RNF130: variants seen among roughly 807,000 people sequenced by gnomAD.
RNF130 encodes E3 ubiquitin-protein ligase RNF130.
Under a neutral mutation model 44.6 loss-of-function variants are expected in RNF130, and 21 were observed. That is an observed-to-expected ratio of 0.47 (90% CI 0.33 to 0.68). RNF130 has a LOEUF of 0.68. Among genes scored for constraint, RNF130 ranks in the 30% least tolerant of loss-of-function variants. The pLI, the probability that RNF130 is intolerant of heterozygous loss-of-function variation, is 0.02. For missense variants in RNF130, 479 were observed against 560.6 expected (o/e 0.85, Z 1.47); for synonymous variants, 214 against 210.4 (o/e 1.02, Z -0.15).
In RNF130 at chr5:179,963,560, T is replaced by G; in HGVS notation, c.1155A>C (p.Glu385Asp). The stretch of plus-strand genomic sequence containing the variant: ...GGCCAAAACTGGCAATAATAAACCA[T>G]TCTTCTGTTGACAAAGGAAAGGGAG... The part of the protein sequence containing the change: ...TGEINIAVTK[E>D]WFIIASFGLL... The change falls in exon 8 of 9, where the codon GAA (glutamate) becomes GAC (aspartate). Residue 385 changes from glutamate (E) to aspartate (D), a missense_variant. Physicochemically the swap from Glu to Asp is conservative, Grantham distance 45. Coordinates refer to ENST00000521389, the MANE Select transcript of RNF130 (RefSeq NM_018434.6). The G allele has an allele frequency of 6.2e-7, 1 of 1,610,866 alleles. No homozygotes were observed. The highest frequency in any genetic ancestry group is 8.5e-7 in the Non-Finnish European group (1 of 1,177,222).
chr5:179,928,501 CTCTTTGTT>C, intron 7 of RNF130, among the ~76,000 whole-genome samples: 1 of 152,224 alleles, frequency 6.6e-6, no homozygotes, highest in Non-Finnish European at 1.5e-5. Flanking sequence ...TCTGAAATGT[CTCTTTGTT>C]TCTTTTGCTC....
intron 3 of RNF130, among the ~76,000 whole-genome samples, chr5:180,001,394 T>C (rs544000240): frequency 4.6e-5 from 7 of 152,110 alleles, no homozygotes; most frequent in Non-Finnish European, 1.0e-4. Context: ...CTCACAAATG[T>C]ATTTGTGGCA....
intron 7 of RNF130, among the ~76,000 whole-genome samples, chr5:179,946,142 C>A (rs1014917141): frequency 6.6e-6 from 1 of 152,242 alleles, no homozygotes; most frequent in African/African-American, 2.4e-5. Flanking sequence ...TAGGGTGCAA[C>A]CCCCTACAGT....
intron 2 of RNF130, among the ~76,000 whole-genome samples, chr5:180,033,706 AAAG>A (rs1193444528): frequency 1.3e-5 from 2 of 152,180 alleles, no homozygotes; most frequent in African/African-American, 2.4e-5. Flanking sequence ...TAAAAAAAAA[AAAG>A]AGAGAGAGAG....
intron 7 of RNF130, among the ~76,000 whole-genome samples, chr5:179,930,552 G>T (rs1375570331): frequency 6.6e-6 from 1 of 151,976 alleles, no homozygotes; most frequent in Admixed American, 6.6e-5. Context: ...TTGCCATATG[G>T]TAATGGCTAA....
chr5:180,010,771 A>G (rs1216526262), intron 3 of RNF130, among the ~76,000 whole-genome samples: 1 of 152,188 alleles, frequency 6.6e-6, no homozygotes, highest in African/African-American at 2.4e-5. Flanking sequence ...GTTATAAAAG[A>G]GTAGCACAAG....
chr5:180,000,992 A>C (rs2113058399), intron 3 of RNF130, among the ~76,000 whole-genome samples: 1 of 152,242 alleles, frequency 6.6e-6, no homozygotes, highest in African/African-American at 2.4e-5. Context: ...TGGAACAATC[A>C]CTTCTTTCAA....
intron 6 of RNF130, among the ~76,000 whole-genome samples, chr5:179,967,870 A>ATGCTTAGGC (rs1762485619): frequency 6.6e-6 from 1 of 152,258 alleles, no homozygotes; most frequent in Admixed American, 6.5e-5. Flanking sequence ...GTACTAAGTG[A>ATGCTTAGGC]TGCTTAGGCT....
Position 180,071,520 on chromosome 5 carries a change from G to A in RNF130, c.183C>T (p.Tyr61=), listed in dbSNP as rs1765265013. The A allele has an allele frequency of 7.3e-7, 1 of 1,360,756 alleles. No homozygotes were observed. The highest frequency in any genetic ancestry group is 2.9e-5 in the East Asian group (1 of 34,690). 84.3% of individuals were successfully genotyped at this position (1,360,756 alleles called of 1,614,324 possible). A position where few individuals can be genotyped will look rare whatever the true frequency, so the allele number is the denominator to read the frequency against. ...CCTCGGCCTTGGGGGAGTCAAGCCC[G>A]TAGCGCCCGCGGTCGATGCGAAACG... ...PLTFRIDRGR[Y]GLDSPKAEVR... Residue 61 remains tyrosine, a synonymous_variant, in exon 1 of 9, where the codon TAC becomes TAT. Coordinates refer to ENST00000521389, the MANE Select transcript of RNF130 (RefSeq NM_018434.6).
intron 3 of RNF130, 110 bp from the exon 4 acceptor site, chr5:179,980,310 C>A: frequency 1.1e-6 from 1 of 890,422 alleles, no homozygotes; most frequent in Non-Finnish European, 1.8e-6. Flanking sequence ...CATCCCTCTC[C>A]ATGTCCTACA....
chr5:180,009,362 C>G (rs1024720776), intron 3 of RNF130, among the ~76,000 whole-genome samples: 1 of 152,142 alleles, frequency 6.6e-6, no homozygotes, highest in Admixed American at 6.5e-5. Flanking sequence ...TGACGAAGGA[C>G]TTGTATCTGG....
intron 7 of RNF130, among the ~76,000 whole-genome samples, chr5:179,920,793 A>ATTTTTTT (rs1478029401): frequency 7.3e-6 from 1 of 137,354 alleles, no homozygotes; most frequent in African/African-American, 3.3e-5. Context: ...ATATATATAT[A>ATTTTTTT]TATTTTTTTT....
At chr5:180,020,114 G>A (rs1157315110) in intron 2 of RNF130, among the ~76,000 whole-genome samples, 3 of 152,208 alleles carry the variant, frequency 2.0e-5, no homozygotes, top group Middle Eastern at 3.2e-3. Flanking sequence ...ACAGGAGTTT[G>A]CAACTCGAGA....
chr5:179,975,498 G>A (rs1021187007), intron 5 of RNF130, among the ~76,000 whole-genome samples: 5 of 152,212 alleles, frequency 3.3e-5, no homozygotes, highest in Admixed American at 1.3e-4. Flanking sequence ...CACAAGTACC[G>A]CTTGATGTGT....
intron 3 of RNF130, among the ~76,000 whole-genome samples, chr5:179,997,394 G>C (rs571548703): frequency 1.3e-5 from 2 of 152,286 alleles, no homozygotes; most frequent in Admixed American, 6.5e-5. Context: ...CGCAATCTCG[G>C]CTCACTGCAA....
At chr5:179,925,982 A>G (rs152253) in intron 7 of RNF130, among the ~76,000 whole-genome samples, 145,601 of 152,286 alleles carry the variant, frequency 0.96, 69,671 homozygotes, top group East Asian at 1. Context: ...GGGGAGCAGC[A>G]GAGGCGAGGC....
At position 180,071,694 on chromosome 5, in the gene RNF130, G is replaced by C; in HGVS notation, c.9C>G (p.Cys3Trp). 5.8e-6 allele frequency: 8 copies of C among 1,374,460 alleles called. No individual in the cohort carries two copies. Among genetic ancestry groups the C allele is most frequent in the Non-Finnish European group, 7.6e-6 (8 of 1,059,426 alleles). 85.1% of individuals were successfully genotyped at this position (1,374,460 alleles called of 1,614,324 possible). A position where few individuals can be genotyped will look rare whatever the true frequency, so the allele number is the denominator to read the frequency against. The change falls in exon 1 of 9, where the codon TGC (cysteine) becomes TGG (tryptophan). Residue 3 changes from cysteine to tryptophan, a missense_variant. This residue lies in a region of RNF130 where 138 missense variants were observed against 126.9 expected (regional missense o/e 1.09). Coordinates refer to ENST00000521389, the MANE Select transcript of RNF130 (RefSeq NM_018434.6). Reference sequence around the variant, plus strand: ...GCCGGGCAGGGCCCGCCCGCCCCGCGCAGCTCATCGTCCCTCCGGCAGCCG... The same window carrying C: ...GCCGGGCAGGGCCCGCCCGCCCCGCCCAGCTCATCGTCCCTCCGGCAGCCG... MS[C>W]AGRAGPARLA... is the part of the protein sequence containing the mutation.
At chr5:180,066,010 AAC>A (rs956897296) in intron 1 of RNF130, among the ~76,000 whole-genome samples, 1 of 152,218 alleles carries the variant, frequency 6.6e-6, no homozygotes, top group African/African-American at 2.4e-5. Flanking sequence ...ACAAACATTA[AAC>A]AGTGTCATCC....
intron 2 of RNF130, among the ~76,000 whole-genome samples, chr5:180,026,926 G>T (rs1274369201): frequency 6.6e-6 from 1 of 152,160 alleles, no homozygotes; most frequent in Non-Finnish European, 1.5e-5. Flanking sequence ...ATGACCACAT[G>T]AAAGGAAAAG....
Sources: gnomAD v4.1 joint callset for allele counts (sites outside exome capture counted in the v4.1 genomes callset) on GRCh38, gnomAD v4.1.1 for gene constraint, gnomAD v4.1.1 regional missense constraint, MANE v1.5 for transcripts, NCBI Gene and HGNC (gene_info 2026-07-23, HGNC 2026-07-21) for gene names.